OSBPL7: variants seen among roughly 807,000 people sequenced by gnomAD.
The protein encoded by OSBPL7 is oxysterol-binding protein-related protein 7.
A neutral mutation model predicts 115.8 loss-of-function variants in OSBPL7; 66 were observed. That is an observed-to-expected ratio of 0.57 (90% CI 0.47 to 0.70). The LOEUF is 0.70. OSBPL7 is among the 30% of genes least tolerant of loss of function. OSBPL7 has a pLI of 0.00. For missense variants in OSBPL7, 902 were observed against 1,125.5 expected, an observed-to-expected ratio of 0.80 and a Z score of 2.84; for synonymous variants, 441 against 439.2, an observed-to-expected ratio of 1.00 and a Z score of -0.05.
chr17:47,820,337 G>T lies in OSBPL7; in HGVS notation c.-59C>A. On this transcript the variant is annotated 5_prime_UTR_variant, in exon 2 of 23. Coordinates refer to ENST00000007414, the MANE Select transcript of OSBPL7 (RefSeq NM_145798.3). ...TAGAGCAGGGAGCAGGGTGGAAGGG[G>T]AAGGATGTCACCTGCTCCTGACGGG... is the stretch of plus-strand genomic sequence containing the variant. The T allele has an allele frequency of 1.3e-6, 2 of 1,538,684 alleles. No homozygotes were observed. Among genetic ancestry groups the T allele is most frequent in the Non-Finnish European group, 8.9e-7 (1 of 1,127,242 alleles).
chr17:47,821,265 G>A (rs1047640508), intron 1 of OSBPL7, among the ~76,000 whole-genome samples: 1 of 152,152 alleles, frequency 6.6e-6, no homozygotes, highest in African/African-American at 2.4e-5. Flanking sequence ...GTTTGAGGTG[G>A]GGGAAGCAGC....
At position 47,813,314 on chromosome 17, in the gene OSBPL7, G is replaced by A. The variant is rs771400467; in HGVS notation, c.1689C>T (p.Thr563=). The change falls in exon 16 of 23, where the codon ACC becomes ACT. Residue 563 remains threonine, a synonymous_variant. Coordinates refer to ENST00000007414, the MANE Select transcript of OSBPL7 (RefSeq NM_145798.3). ...CTCGGTCAGGCCGCTCACACTCGTA[G>A]GTCTCCCCCAGGACAGGGTTGAAGG... ...CKPFNPVLGE[T]YECERPDRGF... 3 of 1,614,128 alleles carry A rather than the reference G, an allele frequency of 1.9e-6. No individual in the cohort carries two copies. Among genetic ancestry groups the A allele is most frequent in the Middle Eastern group, 1.7e-4 (1 of 6,060 alleles).
chr17:47,815,584 A>C (rs2033188216), intron 12 of OSBPL7: 1 of 554,622 alleles, frequency 1.8e-6, no homozygotes, highest in South Asian at 2.3e-5. Flanking sequence ...AACTGTTTAC[A>C]CTTCCTGGCA....
In OSBPL7 at chr17:47,813,723, C is replaced by T; in HGVS notation, c.1463G>A (p.Gly488Asp). 1 of 1,613,476 alleles carries T rather than the reference C, an allele frequency of 6.2e-7. No homozygotes were observed. Among genetic ancestry groups the T allele is most frequent in the Non-Finnish European group, 8.5e-7 (1 of 1,179,996 alleles). The change falls in exon 15 of 23, where the codon GGC becomes GAC. Residue 488 changes from glycine to aspartate, a missense_variant. Gly to Asp is a moderately conservative substitution (Grantham distance 94, BLOSUM62 -1). Coordinates refer to ENST00000007414, the MANE Select transcript of OSBPL7 (RefSeq NM_145798.3). ...CATTGACACCTTGGACAGGTCTTTG[C>T]CGATGTTGTTGCGCAGAATGTTCCA... ...SLWNILRNNI[G>D]KDLSKVSMPV... is the part of the protein sequence containing the mutation.
In OSBPL7 at chr17:47,808,970, C is replaced by T. The variant is rs2032944654; in HGVS notation, c.2191G>A (p.Glu731Lys). 6.2e-7 allele frequency: 1 copy of T among 1,614,142 alleles called. No individual in the cohort carries two copies. Among genetic ancestry groups the T allele is most frequent in the South Asian group, 1.1e-5 (1 of 91,070 alleles). Residue 731 changes from glutamate (E) to lysine (K), a missense_variant, in exon 21 of 23, where the codon GAG becomes AAG. This residue lies in a region of OSBPL7 where 230 missense variants were observed against 312.7 expected (regional missense o/e 0.74). Coordinates refer to ENST00000007414, the MANE Select transcript of OSBPL7 (RefSeq NM_145798.3). This position sits in a 1 kb window ranked among gnomAD's most constrained non-coding sequence, Gnocchi z 6.1. Reference protein sequence around the residue: ...WKPNSMPPDHERNFGFTQFAL... With the variant: ...WKPNSMPPDHKRNFGFTQFAL... Reference sequence around the variant, plus strand: ...AACTGGGTGAAGCCGAAGTTTCGCTCATGGTCGGGGGGCATTGAGTCTGGG... The same window carrying T: ...AACTGGGTGAAGCCGAAGTTTCGCTTATGGTCGGGGGGCATTGAGTCTGGG...
At position 47,816,581 on chromosome 17, in the gene OSBPL7, A is replaced by T; in HGVS notation, c.910T>A (p.Trp304Arg). ...TDYAHLQRSF[W>R]ALAQKVHSSL... ...CACTTACCCTTCTGGGCCAGGGCCC[A>T]GAAGCTGCGCTGCAGGTGGGCATAG... The change falls in exon 10 of 23, where the codon TGG (tryptophan) becomes AGG (arginine). Residue 304 changes from tryptophan to arginine, a missense_variant. Transcript: ENST00000007414. The surrounding 1 kb of genome is among the most constrained non-coding windows in gnomAD (Gnocchi z 5.8). 1 of 1,612,888 alleles carries T rather than the reference A, an allele frequency of 6.2e-7. No homozygotes were observed. Among genetic ancestry groups the T allele is most frequent in the Admixed American group, 1.7e-5 (1 of 59,872 alleles).
chr17:47,809,382 G>A lies in OSBPL7; in HGVS notation c.1977C>T (p.Ile659=), dbSNP rs1174424536. ...RWIEHYGEVL[I]RNTQDSSCHC... is the part of the protein sequence containing the mutation. ...GGCAGGAGCTGTCCTGTGTGTTTCG[G>A]ATGAGCACCTCCCCATAGTGCTCGA... The change falls in exon 19 of 23, where the codon ATC becomes ATT. Residue 659 remains isoleucine, a synonymous_variant. Coordinates refer to ENST00000007414, the MANE Select transcript of OSBPL7 (RefSeq NM_145798.3). 3.7e-6 allele frequency: 6 copies of A among 1,614,054 alleles called. No individual in the cohort carries two copies. Among genetic ancestry groups the A allele is most frequent in the Non-Finnish European group, 5.1e-6 (6 of 1,180,028 alleles).
Position 47,808,880 on chromosome 17 carries a change from G to A in OSBPL7, c.2281C>T (p.Leu761Phe). ...KRSLPSTDTR[L>F]RPDQRYLEEG... Reference sequence around the variant, plus strand: ...GGCACTGACCTCTGGTCTGGCCGGAGTCTCGTGTCGGTGGAAGGCAGCGAC... The same window carrying A: ...GGCACTGACCTCTGGTCTGGCCGGAATCTCGTGTCGGTGGAAGGCAGCGAC... Residue 761 changes from leucine to phenylalanine, a missense_variant, in exon 21 of 23, where the codon CTC (leucine) becomes TTC (phenylalanine). Physicochemically the swap from Leu to Phe is conservative, Grantham distance 22. Around this residue, in one of 3 missense-constraint regions of OSBPL7, gnomAD observed 230 missense variants for 312.7 expected, o/e 0.74. Coordinates refer to ENST00000007414, the MANE Select transcript of OSBPL7 (RefSeq NM_145798.3). The surrounding 1 kb of genome is among the most constrained non-coding windows in gnomAD (Gnocchi z 6.1). The A allele has an allele frequency of 6.2e-7, 1 of 1,614,258 alleles. No homozygotes were observed. The highest frequency in any genetic ancestry group is 2.2e-5 in the East Asian group (1 of 44,894).
intron 18 of OSBPL7, among the ~76,000 whole-genome samples, chr17:47,809,911 C>CTTTTCTTTTCT (rs1555630876): frequency 2.1e-5 from 1 of 46,704 alleles, no homozygotes; most frequent in African/African-American, 7.6e-5. Context: ...CTTTTCTTTT[C>CTTTTCTTTTCT]TTTTTTTTTT....
intron 18 of OSBPL7, 90 bp downstream of exon 18, chr17:47,810,504 C>T (rs1020266900): frequency 4.5e-5 from 52 of 1,163,760 alleles, no homozygotes; most frequent in Admixed American, 9.5e-5. Context: ...CTTCCTATCC[C>T]GTCCTTATCC....
Position 47,809,391 on chromosome 17 carries a change from C to T in OSBPL7, c.1968G>A (p.Glu656=), listed in dbSNP as rs1006559748. The T allele has an allele frequency of 6.2e-7, 1 of 1,614,134 alleles. No homozygotes were observed. Among genetic ancestry groups the T allele is most frequent in the Admixed American group, 1.7e-5 (1 of 60,026 alleles). Residue 656 remains glutamate (E), a synonymous_variant, in exon 19 of 23, where the codon GAG becomes GAA. Transcript: ENST00000007414. ...TGTCCTGTGTGTTTCGGATGAGCAC[C>T]TCCCCATAGTGCTCGATCCAGCGCT... ...SGQRWIEHYG[E]VLIRNTQDSS... is the part of the protein sequence containing the mutation.
intron 13 of OSBPL7, chr17:47,814,991 A>G: frequency 1.6e-6 from 1 of 620,276 alleles, no homozygotes; most frequent in East Asian, 2.8e-5. Context: ...TAGTTTCAGG[A>G]GAACCCAATG....
rs750301251 is a variant in OSBPL7, at chr17:47,818,511, G to A, written c.475C>T (p.Arg159Trp). The A allele has an allele frequency of 2.5e-5, 40 of 1,598,904 alleles. No homozygotes were observed. The highest frequency in any genetic ancestry group is 5.6e-5 in the South Asian group (5 of 89,084). ...PRGSLPSTAH[R>W]KVPGAQLPTA... ...CACCCCAGGGTCCACCTTACCTTCC[G>A]GTGAGCAGTACTGGGCAGTGAGCCA... is the stretch of plus-strand genomic sequence containing the variant. The change falls in exon 6 of 23, where the codon CGG becomes TGG. Residue 159 changes from arginine (R) to tryptophan (W), a missense_variant. By Grantham distance (101) the Arg-to-Trp change is moderately radical. Around this residue, in one of 3 missense-constraint regions of OSBPL7, gnomAD observed 667 missense variants for 788.7 expected, o/e 0.85. Coordinates refer to ENST00000007414, the MANE Select transcript of OSBPL7 (RefSeq NM_145798.3).
Position 47,808,322 on chromosome 17 carries a change from T to C in OSBPL7, c.2498A>G (p.Tyr833Cys). Residue 833 changes from tyrosine to cysteine, a missense_variant, in exon 23 of 23, where the codon TAT (tyrosine) becomes TGT (cysteine). Coordinates refer to ENST00000007414, the MANE Select transcript of OSBPL7 (RefSeq NM_145798.3). This position sits in a 1 kb window ranked among gnomAD's most constrained non-coding sequence, Gnocchi z 6.1. ...TYWRLRAEPG[Y>C]GNMDGAVLW ...GAGCACGGCCCCATCCATGTTCCCATAGCCTGGCTCGGCCCGCAGCCTCCA... is the reference window on the plus strand; with the variant it reads ...GAGCACGGCCCCATCCATGTTCCCACAGCCTGGCTCGGCCCGCAGCCTCCA... The C allele has an allele frequency of 6.2e-7, 1 of 1,613,994 alleles. No individual in the cohort carries two copies. Among genetic ancestry groups the C allele is most frequent in the South Asian group, 1.1e-5 (1 of 91,082 alleles).
chr17:47,814,399 A>G, intron 14 of OSBPL7, 122 bp downstream of exon 14: 1 of 878,726 alleles, frequency 1.1e-6, no homozygotes, highest in Non-Finnish European at 1.8e-6. Context: ...TGGGGTCAGC[A>G]TCCAAAGCCA....
Position 47,820,331 on chromosome 17 carries a change from G to A in OSBPL7, c.-53C>T. 6.4e-7 allele frequency: 1 copy of A among 1,556,324 alleles called. No individual in the cohort carries two copies. ...GGGATGTAGAGCAGGGAGCAGGGTG[G>A]AAGGGGAAGGATGTCACCTGCTCCT... On this transcript the variant is annotated 5_prime_UTR_variant, in exon 2 of 23. Transcript: ENST00000007414.
At chr17:47,815,444 G>C (rs903492509) in intron 12 of OSBPL7, 92 bp from the exon 13 acceptor site, 4 of 1,542,690 alleles carry the variant, frequency 2.6e-6, no homozygotes, top group South Asian at 1.2e-5. Context: ...CCTTGAGAGG[G>C]AGGCATAACC....
rs765025583 is a variant in OSBPL7 at position 47,820,114 on chromosome 17, G to A, written c.76-18C>T. 2 of 1,613,130 alleles carry A rather than the reference G, an allele frequency of 1.2e-6. No homozygotes were observed. The highest frequency in any genetic ancestry group is 1.7e-6 in the Non-Finnish European group (2 of 1,179,954). ...TCAGAGGCCTGCAGTCCAGGACAGA[G>A]GGAGGGGAGCACTGGTGAGACGTCC... On this transcript the variant is annotated intron_variant, in intron 2 of 22. Coordinates refer to ENST00000007414, the MANE Select transcript of OSBPL7 (RefSeq NM_145798.3).
chr17:47,815,185 G>A (rs1460694081), intron 13 of OSBPL7, 30 bp downstream of exon 13: 9 of 1,564,896 alleles, frequency 5.8e-6, no homozygotes, highest in Middle Eastern at 1.7e-4. Flanking sequence ...CCCCTACCCC[G>A]CCTCACTGCC....
Sources: allele counts gnomAD v4.1 joint callset (sites outside exome capture counted in the v4.1 genomes callset), GRCh38; gene constraint gnomAD v4.1.1; regional missense constraint gnomAD v4.1.1; non-coding constraint Gnocchi (gnomAD v3.1); transcripts MANE v1.5; gene names NCBI Gene and HGNC (gene_info 2026-07-23, HGNC 2026-07-21).